The following PTPRD variants were observed in gnomAD, a reference collection of about 807,000 sequenced individuals.
The protein encoded by PTPRD is protein tyrosine phosphatase receptor type D.
In PTPRD, 34 loss-of-function variants were observed where a neutral mutation model predicts 214.5. The ratio of observed to expected loss-of-function variants is 0.16; its 90% CI spans 0.12 to 0.21. The LOEUF is 0.21. Among genes scored for constraint, PTPRD ranks in the 10% least tolerant of loss-of-function variants. PTPRD has a pLI of 1.00. For synonymous variants in PTPRD, 1,128 were observed against 845.7 expected (o/e 1.33, Z -5.79); for missense variants, 2,545 against 2,398.7 (o/e 1.06, Z -1.27).
chr9:9,108,325 C>T (rs898855799), intron 10 of PTPRD, among the ~76,000 whole-genome samples: 1 of 152,026 alleles, frequency 6.6e-6, no homozygotes, highest in African/African-American at 2.4e-5. Context: ...ATTGTAGAAC[C>T]AACAGAAACC....
intron 14 of PTPRD, among the ~76,000 whole-genome samples, chr9:8,561,344 C>T (rs575185808): frequency 6.6e-6 from 1 of 152,272 alleles, no homozygotes; most frequent in East Asian, 1.9e-4. Context: ...AATCCTCCCA[C>T]CCCACCGCTG....
intron 10 of PTPRD, among the ~76,000 whole-genome samples, chr9:9,021,021 A>G (rs2099567974): frequency 6.6e-6 from 1 of 152,202 alleles, no homozygotes; most frequent in African/African-American, 2.4e-5. Flanking sequence ...ACACAAAAAC[A>G]TAATATTTTA....
intron 4 of PTPRD, among the ~76,000 whole-genome samples, chr9:9,947,585 ATTATATATATAATATATATATT>A (rs2092930381): frequency 2.2e-5 from 1 of 45,002 alleles, no homozygotes; most frequent in African/African-American, 1.3e-4. Context: ...TTATATATAT[ATTATATATATAATATATATATT>A]TTATATATAT....
chr9:10,462,901 T>C (rs906321370), intron 2 of PTPRD, among the ~76,000 whole-genome samples: 2 of 150,706 alleles, frequency 1.3e-5, no homozygotes, highest in East Asian at 1.9e-4. Flanking sequence ...TTATGTAATA[T>C]AGCATTTTAA....
At chr9:8,592,616 T>A (rs552594464) in intron 14 of PTPRD, among the ~76,000 whole-genome samples, 9 of 152,250 alleles carry the variant, frequency 5.9e-5, no homozygotes, top group African/African-American at 2.2e-4. Flanking sequence ...ACCAAAATAA[T>A]AAGCAGGCTT....
chr9:9,721,630 T>A (rs2097948907), intron 7 of PTPRD, among the ~76,000 whole-genome samples: 1 of 152,132 alleles, frequency 6.6e-6, no homozygotes. Context: ...TTTACTAAAG[T>A]CTTGGTCAAT....
chr9:10,503,216 A>AAAAAAAC, intron 2 of PTPRD, among the ~76,000 whole-genome samples: 1 of 150,026 alleles, frequency 6.7e-6, no homozygotes, highest in Non-Finnish European at 1.5e-5. Context: ...AACAAAAAAA[A>AAAAAAAC]ACACCATTTT....
At chr9:10,001,045 C>T (rs570045515) in intron 4 of PTPRD, among the ~76,000 whole-genome samples, 7 of 152,142 alleles carry the variant, frequency 4.6e-5, no homozygotes, top group Non-Finnish European at 1.0e-4. Flanking sequence ...CTTGGGAACC[C>T]CGCTCCCTCT....
intron 11 of PTPRD, among the ~76,000 whole-genome samples, chr9:8,853,013 T>A (rs1280629963): frequency 6.6e-6 from 1 of 152,128 alleles, no homozygotes; most frequent in Non-Finnish European, 1.5e-5. Context: ...GTACATAATG[T>A]CTAAGTCCTA....
intron 11 of PTPRD, among the ~76,000 whole-genome samples, chr9:8,945,477 C>T (rs2099058262): frequency 6.6e-6 from 1 of 151,974 alleles, no homozygotes; most frequent in Non-Finnish European, 1.5e-5. Context: ...TTACTTTGCA[C>T]CTGGCTATCT....
chr9:9,516,629 C>G (rs2096845583), intron 8 of PTPRD, among the ~76,000 whole-genome samples: 1 of 151,920 alleles, frequency 6.6e-6, no homozygotes, highest in East Asian at 1.9e-4. Flanking sequence ...CCTCCACCTC[C>G]AGGGTGCAAG....
chr9:8,321,477 G>GTATATATATATA (rs1227799696), intron 44 of PTPRD, among the ~76,000 whole-genome samples: 3 of 75,382 alleles, frequency 4.0e-5, no homozygotes, highest in African/African-American at 1.2e-4. Context: ...GTGTGTGTGT[G>GTATATATATATA]TGTGTGTGTG....
chr9:8,934,393 A>ATGTGTG (rs756848411), intron 11 of PTPRD, among the ~76,000 whole-genome samples: 992 of 48,150 alleles, frequency 0.021, 84 homozygotes, highest in East Asian at 0.17. Flanking sequence ...AATACTAATT[A>ATGTGTG]TGTGTGTGTG....
At chr9:10,330,470 T>A (rs1010499207) in intron 3 of PTPRD, among the ~76,000 whole-genome samples, 3 of 151,786 alleles carry the variant, frequency 2.0e-5, no homozygotes, top group Non-Finnish European at 2.9e-5. Context: ...CCCAACACAT[T>A]TTTTGTTCCT....
At chr9:9,217,987 G>C (rs547552186) in intron 9 of PTPRD, among the ~76,000 whole-genome samples, 3 of 152,242 alleles carry the variant, frequency 2.0e-5, no homozygotes, top group African/African-American at 7.2e-5. Flanking sequence ...TTGTATGACA[G>C]TTATGCCGTT....
chr9:9,617,476 G>C (rs1449071045), intron 7 of PTPRD, among the ~76,000 whole-genome samples: 1 of 152,154 alleles, frequency 6.6e-6, no homozygotes, highest in Non-Finnish European at 1.5e-5. Context: ...GATAATCCTG[G>C]ACACAGATTG....
chr9:8,983,131 C>T (rs2154341599), intron 11 of PTPRD, among the ~76,000 whole-genome samples: 1 of 151,968 alleles, frequency 6.6e-6, no homozygotes, highest in South Asian at 2.1e-4. Flanking sequence ...AGTTATTTAA[C>T]ATTTTAGTGG....
intron 3 of PTPRD, among the ~76,000 whole-genome samples, chr9:10,154,519 C>T (rs1449184961): frequency 6.6e-6 from 1 of 152,090 alleles, no homozygotes; most frequent in African/African-American, 2.4e-5. Flanking sequence ...TTGATGCTTA[C>T]TTCATGAAAT....
At chr9:10,331,119 T>A (rs1251308708) in intron 3 of PTPRD, among the ~76,000 whole-genome samples, 1 of 151,792 alleles carries the variant, frequency 6.6e-6, no homozygotes, top group Non-Finnish European at 1.5e-5. Flanking sequence ...CCATCAACTC[T>A]CACAATTCCA....
Sources: allele counts gnomAD v4.1 joint callset (sites outside exome capture counted in the v4.1 genomes callset), GRCh38; gene constraint gnomAD v4.1.1; transcripts MANE v1.5; gene names NCBI Gene and HGNC (gene_info 2026-07-23, HGNC 2026-07-21).